Variants in MMP24OS observed in about 807,000 individuals in gnomAD.
MMP24OS encodes the protein MMP24 opposite strand.
At position 35,277,886 on chromosome 20, in the gene MMP24OS, G is replaced by C. The variant is rs975045695; in HGVS notation, c.44C>G (p.Ala15Gly). Reference sequence around the variant, plus strand: ...GGGCTGGGGCTGGGGCTGGGTTTGCGCAGGCTCCGGGGCGCCGCGGCCGCC... The same window carrying C: ...GGGCTGGGGCTGGGGCTGGGTTTGCCCAGGCTCCGGGGCGCCGCGGCCGCC... ...LSGGRGAPEP[A>G]QTQPQPQPQP... The change falls in exon 2 of 2, where the codon GCG (alanine) becomes GGG (glycine). Residue 15 changes from alanine (A) to glycine (G), a missense_variant. Ala to Gly is a moderately conservative substitution (Grantham distance 60). Coordinates refer to ENST00000456790, the MANE Select transcript of MMP24OS (RefSeq NM_001355003.2). 1.0e-5 allele frequency: 4 copies of C among 398,774 alleles called. No homozygotes were observed. Among genetic ancestry groups the C allele is most frequent in the African/African-American group, 6.2e-5 (3 of 48,548 alleles). 24.7% of individuals were successfully genotyped at this position (398,774 alleles called of 1,614,324 possible). A position where few individuals can be genotyped will look rare whatever the true frequency, so the allele number is the denominator to read the frequency against.
Position 35,276,628 on chromosome 20 carries a change from G to A in MMP24OS, c.*1086C>T. On this transcript the variant is annotated 3_prime_UTR_variant, in exon 2 of 2. Coordinates refer to ENST00000456790, the MANE Select transcript of MMP24OS (RefSeq NM_001355003.2). ...TGGTCCCTGTCCACTCCTCAGGTTGGTGCTCTCACTTCTTGAAAGCTCTAG... is the reference window on the plus strand; with the variant it reads ...TGGTCCCTGTCCACTCCTCAGGTTGATGCTCTCACTTCTTGAAAGCTCTAG... The A allele has an allele frequency of 4.5e-6, 1 of 220,506 alleles. No homozygotes were observed. The highest frequency in any genetic ancestry group is 8.9e-6 in the Non-Finnish European group (1 of 112,638). The allele number at this position is 220,506 out of a possible 1,614,324, so 13.7% of individuals were successfully genotyped here. A position where few individuals can be genotyped will look rare whatever the true frequency, so the allele number is the denominator to read the frequency against.
Position 35,277,598 on chromosome 20 carries a change from G to C in MMP24OS, c.*116C>G, listed in dbSNP as rs2060720199. The C allele has an allele frequency of 2.6e-6, 1 of 392,094 alleles. No individual in the cohort carries two copies. The highest frequency in any genetic ancestry group is 4.5e-6 in the Non-Finnish European group (1 of 222,078). The allele number at this position is 392,094 out of a possible 1,614,324, so 24.3% of individuals were successfully genotyped here. ...CTCTTCGAATTCTCTGCTATCTCTG[G>C]GGAGCCTCGGGTGGGAGGGGGTGTA... On this transcript the variant is annotated 3_prime_UTR_variant, in exon 2 of 2. Coordinates refer to ENST00000456790, the MANE Select transcript of MMP24OS (RefSeq NM_001355003.2).
At position 35,276,900 on chromosome 20, in the gene MMP24OS, T is replaced by TG. The variant is rs983297071; in HGVS notation, c.*813dup. 6.5e-6 allele frequency: 1 copy of TG among 152,762 alleles called. No individual in the cohort carries two copies. Among genetic ancestry groups the TG allele is most frequent in the Non-Finnish European group, 1.5e-5 (1 of 68,130 alleles). The allele number at this position is 152,762 out of a possible 1,614,324, so 9.5% of individuals were successfully genotyped here. A position where few individuals can be genotyped will look rare whatever the true frequency, so the allele number is the denominator to read the frequency against. ...CCCAGAGCCTAGCTTCCCCTCAGCCTGGGGGACATCACAGCATTTCAGTGT... is the reference window on the plus strand; with the variant it reads ...CCCAGAGCCTAGCTTCCCCTCAGCCTGGGGGGACATCACAGCATTTCAGTGT... On this transcript the variant is annotated 3_prime_UTR_variant, in exon 2 of 2. Coordinates refer to ENST00000456790, the MANE Select transcript of MMP24OS (RefSeq NM_001355003.2).
Position 35,277,443 on chromosome 20 carries a change from C to T in MMP24OS, c.*271G>A. The T allele has an allele frequency of 2.7e-6, 1 of 371,394 alleles. No individual in the cohort carries two copies. The highest frequency in any genetic ancestry group is 4.8e-6 in the Non-Finnish European group (1 of 208,784). The allele number at this position is 371,394 out of a possible 1,614,324, so 23.0% of individuals were successfully genotyped here. A position where few individuals can be genotyped will look rare whatever the true frequency, so the allele number is the denominator to read the frequency against. On this transcript the variant is annotated 3_prime_UTR_variant, in exon 2 of 2. Transcript: ENST00000456790. ...AGCGACAGAGAGGGATGCCCCCGAC[C>T]CAGCCAGCCGGAGAAAGGGATGGGG... is the stretch of plus-strand genomic sequence containing the variant.
At position 35,277,438 on chromosome 20, in the gene MMP24OS, C is replaced by T; in HGVS notation, c.*276G>A. 2 of 367,884 alleles carry T rather than the reference C, an allele frequency of 5.4e-6. No homozygotes were observed. Among genetic ancestry groups the T allele is most frequent in the Admixed American group, 4.6e-5 (1 of 21,746 alleles). The allele number at this position is 367,884 out of a possible 1,614,324, so 22.8% of individuals were successfully genotyped here. On this transcript the variant is annotated 3_prime_UTR_variant, in exon 2 of 2. Coordinates refer to ENST00000456790, the MANE Select transcript of MMP24OS (RefSeq NM_001355003.2). ...AAGCCAGCGACAGAGAGGGATGCCC[C>T]CGACCCAGCCAGCCGGAGAAAGGGA...
Position 35,277,592 on chromosome 20 carries a change from T to C in MMP24OS, c.*122A>G, listed in dbSNP as rs561787852. On this transcript the variant is annotated 3_prime_UTR_variant, in exon 2 of 2. Transcript: ENST00000456790. ...GGCGACCTCTTCGAATTCTCTGCTA[T>C]CTCTGGGGAGCCTCGGGTGGGAGGG... The C allele has an allele frequency of 5.4e-5, 21 of 391,908 alleles. No homozygotes were observed. Among genetic ancestry groups the C allele is most frequent in the African/African-American group, 4.1e-4 (20 of 48,326 alleles). The allele number at this position is 391,908 out of a possible 1,614,324, so 24.3% of individuals were successfully genotyped here.
chr20:35,277,364 G>A lies in MMP24OS; in HGVS notation c.*350C>T. On this transcript the variant is annotated 3_prime_UTR_variant, in exon 2 of 2. Coordinates refer to ENST00000456790, the MANE Select transcript of MMP24OS (RefSeq NM_001355003.2). ...TATTAATAAAAGGCAGACGAAGTCA[G>A]GAGGTCAGCAACTTTGCGGGCTTAC... 3.5e-6 allele frequency: 1 copy of A among 283,340 alleles called. No homozygotes were observed. Among genetic ancestry groups the A allele is most frequent in the Non-Finnish European group, 6.5e-6 (1 of 152,688 alleles). 17.6% of individuals were successfully genotyped at this position (283,340 alleles called of 1,614,324 possible). A position where few individuals can be genotyped will look rare whatever the true frequency, so the allele number is the denominator to read the frequency against.
Position 35,277,810 on chromosome 20 carries a change from G to T in MMP24OS, c.120C>A (p.Pro40=), listed in dbSNP as rs1011402434. 5.1e-6 allele frequency: 2 copies of T among 394,810 alleles called. No individual in the cohort carries two copies. Among genetic ancestry groups the T allele is most frequent in the Admixed American group, 8.9e-5 (2 of 22,540 alleles). The allele number at this position is 394,810 out of a possible 1,614,324, so 24.5% of individuals were successfully genotyped here. Residue 40 remains proline, a synonymous_variant, in exon 2 of 2, where the codon CCC becomes CCA. Transcript: ENST00000456790. ...GPEQPRHPPQ[P]QPQPQPQPQP... is the part of the protein sequence containing the mutation. ...GGGGCTGGGGCTGGGGCTGGGGCTG[G>T]GGCTGGGGCGGATGCCGGGGCTGTT... is the stretch of plus-strand genomic sequence containing the variant.
chr20:35,277,713 G>A lies in MMP24OS; in HGVS notation c.*1C>T, dbSNP rs907621615. On this transcript the variant is annotated 3_prime_UTR_variant, in exon 2 of 2. Transcript: ENST00000456790. ...CGGGCGACATCCTGCGGAGGACGCC[G>A]TCAGTACCAGGAAGTGCAGGCGATG... 10 of 380,814 alleles carry A rather than the reference G, an allele frequency of 2.6e-5. No homozygotes were observed. Among genetic ancestry groups the A allele is most frequent in the African/African-American group, 8.5e-5 (4 of 46,960 alleles). The allele number at this position is 380,814 out of a possible 1,614,324, so 23.6% of individuals were successfully genotyped here. A position where few individuals can be genotyped will look rare whatever the true frequency, so the allele number is the denominator to read the frequency against.
Position 35,277,645 on chromosome 20 carries a change from G to A in MMP24OS, c.*69C>T, listed in dbSNP as rs966322255. Reference sequence around the variant, plus strand: ...TGTAAGAGACGCAGGGACGTGGGGAGAGGAGACAAGGCAGGCAAGAACCAC... The same window carrying A: ...TGTAAGAGACGCAGGGACGTGGGGAAAGGAGACAAGGCAGGCAAGAACCAC... On this transcript the variant is annotated 3_prime_UTR_variant, in exon 2 of 2. Transcript: ENST00000456790. 7.6e-6 allele frequency: 3 copies of A among 394,934 alleles called. No individual in the cohort carries two copies. Among genetic ancestry groups the A allele is most frequent in the Admixed American group, 4.4e-5 (1 of 22,576 alleles). 24.5% of individuals were successfully genotyped at this position (394,934 alleles called of 1,614,324 possible).
At position 35,276,382 on chromosome 20, in the gene MMP24OS, C is replaced by A; in HGVS notation, c.*1332G>T. The A allele has an allele frequency of 5.0e-6, 2 of 398,596 alleles. No individual in the cohort carries two copies. The highest frequency in any genetic ancestry group is 2.7e-4 in the South Asian group (2 of 7,416). 24.7% of individuals were successfully genotyped at this position (398,596 alleles called of 1,614,324 possible). The stretch of plus-strand genomic sequence containing the variant: ...TACTTTGCAAAGCACTTTATTAGCT[C>A]ACACCTGTCCACTCACATGAAACTC... On this transcript the variant is annotated 3_prime_UTR_variant, in exon 2 of 2. Coordinates refer to ENST00000456790, the MANE Select transcript of MMP24OS (RefSeq NM_001355003.2).
In MMP24OS at chr20:35,276,483, G is replaced by A. The variant is rs1008807237; in HGVS notation, c.*1231C>T. The A allele has an allele frequency of 2.5e-5, 10 of 394,208 alleles. No individual in the cohort carries two copies. Among genetic ancestry groups the A allele is most frequent in the African/African-American group, 4.1e-5 (2 of 48,548 alleles). 24.4% of individuals were successfully genotyped at this position (394,208 alleles called of 1,614,324 possible). ...AGCACAGAGAGGTTGTTACTTGCCC[G>A]GGCCATCCAGTGGGCTGGCTGGGTC... On this transcript the variant is annotated 3_prime_UTR_variant, in exon 2 of 2. Coordinates refer to ENST00000456790, the MANE Select transcript of MMP24OS (RefSeq NM_001355003.2).
Position 35,277,740 on chromosome 20 carries a change from G to A in MMP24OS, c.190C>T (p.Leu64Phe), listed in dbSNP as rs1394840458. The A allele has an allele frequency of 7.8e-5, 31 of 396,060 alleles. No individual in the cohort carries two copies. In the South Asian group the frequency reaches 3.7e-3, roughly 47 times the overall value. 24.5% of individuals were successfully genotyped at this position (396,060 alleles called of 1,614,324 possible). A position where few individuals can be genotyped will look rare whatever the true frequency, so the allele number is the denominator to read the frequency against. The change falls in exon 2 of 2, where the codon CTC (leucine) becomes TTC (phenylalanine). Residue 64 changes from leucine (L) to phenylalanine (F), a missense_variant. Coordinates refer to ENST00000456790, the MANE Select transcript of MMP24OS (RefSeq NM_001355003.2). ...PWGPLDDVRF[L>F]IACTSWY ...CAGTACCAGGAAGTGCAGGCGATGAGGAAGCGCACGTCGTCCAGCGGCCCC... is the reference window on the plus strand; with the variant it reads ...CAGTACCAGGAAGTGCAGGCGATGAAGAAGCGCACGTCGTCCAGCGGCCCC...
rs1422995407 is a variant in MMP24OS, at chr20:35,276,467, A to G, written c.*1247T>C. ...CCGTGCCCTCAGATGAAGCACAGAG[A>G]GGTTGTTACTTGCCCGGGCCATCCA... is the stretch of plus-strand genomic sequence containing the variant. On this transcript the variant is annotated 3_prime_UTR_variant, in exon 2 of 2. Transcript: ENST00000456790. 5.0e-6 allele frequency: 2 copies of G among 396,520 alleles called. No homozygotes were observed. Among genetic ancestry groups the G allele is most frequent in the East Asian group, 7.1e-5 (2 of 27,978 alleles). The allele number at this position is 396,520 out of a possible 1,614,324, so 24.6% of individuals were successfully genotyped here.
chr20:35,277,437 C>A lies in MMP24OS; in HGVS notation c.*277G>T, dbSNP rs750229729. On this transcript the variant is annotated 3_prime_UTR_variant, in exon 2 of 2. Coordinates refer to ENST00000456790, the MANE Select transcript of MMP24OS (RefSeq NM_001355003.2). ...GAAGCCAGCGACAGAGAGGGATGCCCCCGACCCAGCCAGCCGGAGAAAGGG... is the reference window on the plus strand; with the variant it reads ...GAAGCCAGCGACAGAGAGGGATGCCACCGACCCAGCCAGCCGGAGAAAGGG... The A allele has an allele frequency of 8.2e-6, 3 of 367,280 alleles. No individual in the cohort carries two copies. The highest frequency in any genetic ancestry group is 2.1e-5 in the African/African-American group (1 of 47,658). The allele number at this position is 367,280 out of a possible 1,614,324, so 22.8% of individuals were successfully genotyped here.
Position 35,277,891 on chromosome 20 carries a change from C to G in MMP24OS, c.39G>C (p.Glu13Asp). ...GGGGCTGGGGCTGGGTTTGCGCAGG[C>G]TCCGGGGCGCCGCGGCCGCCGCTTA... is the stretch of plus-strand genomic sequence containing the variant. Reference protein sequence around the residue: ...AQLSGGRGAPEPAQTQPQPQP... With the variant: ...AQLSGGRGAPDPAQTQPQPQP... Residue 13 changes from glutamate (E) to aspartate (D), a missense_variant, in exon 2 of 2, where the codon GAG becomes GAC. Physicochemically the swap from Glu to Asp is conservative, Grantham distance 45. Coordinates refer to ENST00000456790, the MANE Select transcript of MMP24OS (RefSeq NM_001355003.2). The G allele has an allele frequency of 2.5e-6, 1 of 398,674 alleles. No individual in the cohort carries two copies. The highest frequency in any genetic ancestry group is 4.4e-6 in the Non-Finnish European group (1 of 226,340). 24.7% of individuals were successfully genotyped at this position (398,674 alleles called of 1,614,324 possible).
chr20:35,277,382 G>T lies in MMP24OS; in HGVS notation c.*332C>A. 1 of 308,870 alleles carries T rather than the reference G, an allele frequency of 3.2e-6. No individual in the cohort carries two copies. Among genetic ancestry groups the T allele is most frequent in the Admixed American group, 5.0e-5 (1 of 19,906 alleles). The allele number at this position is 308,870 out of a possible 1,614,324, so 19.1% of individuals were successfully genotyped here. The stretch of plus-strand genomic sequence containing the variant: ...GAAGTCAGGAGGTCAGCAACTTTGC[G>T]GGCTTACCAGGAGGCCTGTCCTGCC... On this transcript the variant is annotated 3_prime_UTR_variant, in exon 2 of 2. Coordinates refer to ENST00000456790, the MANE Select transcript of MMP24OS (RefSeq NM_001355003.2).
At position 35,277,564 on chromosome 20, in the gene MMP24OS, C is replaced by A; in HGVS notation, c.*150G>T. The A allele has an allele frequency of 2.6e-6, 1 of 391,208 alleles. No homozygotes were observed. Among genetic ancestry groups the A allele is most frequent in the African/African-American group, 2.1e-5 (1 of 48,276 alleles). The allele number at this position is 391,208 out of a possible 1,614,324, so 24.2% of individuals were successfully genotyped here. A position where few individuals can be genotyped will look rare whatever the true frequency, so the allele number is the denominator to read the frequency against. On this transcript the variant is annotated 3_prime_UTR_variant, in exon 2 of 2. Coordinates refer to ENST00000456790, the MANE Select transcript of MMP24OS (RefSeq NM_001355003.2). ...GCCCTGCCGGGACTTCTTTCCAGTC[C>A]CCGGCGACCTCTTCGAATTCTCTGC...
At position 35,277,185 on chromosome 20, in the gene MMP24OS, T is replaced by C. The variant is rs2060715348; in HGVS notation, c.*529A>G. On this transcript the variant is annotated 3_prime_UTR_variant, in exon 2 of 2. Transcript: ENST00000456790. ...CCTGGGGGCCCAGGGTTATTGGGGT[T>C]CCAGGAACACAGCCTGATGATGCCT... The C allele has an allele frequency of 6.6e-6, 1 of 152,282 alleles. No individual in the cohort carries two copies. Among genetic ancestry groups the C allele is most frequent in the Non-Finnish European group, 1.5e-5 (1 of 68,140 alleles). 9.4% of individuals were successfully genotyped at this position (152,282 alleles called of 1,614,324 possible). A position where few individuals can be genotyped will look rare whatever the true frequency, so the allele number is the denominator to read the frequency against.
Sources: gnomAD v4.1 joint callset for allele counts on GRCh38, gnomAD v4.1.1 for gene constraint, MANE v1.5 for transcripts, NCBI Gene and HGNC (gene_info 2026-07-23, HGNC 2026-07-21) for gene names.